Variants in NFIA observed in about 807,000 individuals in gnomAD.
NFIA encodes the protein nuclear factor I A, also known as nuclear factor 1 A-type.
Under a neutral mutation model 62.8 loss-of-function variants are expected in NFIA, and 8 were observed. The observed-to-expected ratio is 0.13, with a 90% CI of 0.07 to 0.23. The LOEUF (loss-of-function observed/expected upper bound fraction) is 0.23. Ranked by LOEUF, NFIA falls within the 10% of genes least tolerant of loss-of-function variation. The pLI is 1.00. For synonymous variants in NFIA, 235 were observed against 238.1 expected, an observed-to-expected ratio of 0.99 and a Z score of 0.12; for missense variants, 410 against 642.1, an observed-to-expected ratio of 0.64 and a Z score of 3.91.
chr1:61,098,704 ACATT>A (rs1442701229), intron 2 of NFIA, among the ~76,000 whole-genome samples: 4 of 152,226 alleles, frequency 2.6e-5, no homozygotes, highest in Non-Finnish European at 1.5e-5. Context: ...TCCTTTTCCC[ACATT>A]CAATCAGTAA....
intron 2 of NFIA, among the ~76,000 whole-genome samples, chr1:61,162,557 C>T (rs1649285888): frequency 6.6e-6 from 1 of 152,148 alleles, no homozygotes; most frequent in African/African-American, 2.4e-5. Flanking sequence ...AAGGAGGCAT[C>T]CTAGTACCAG....
chr1:61,200,039 T>C (rs1303036620), intron 2 of NFIA, among the ~76,000 whole-genome samples: 16 of 45,418 alleles, frequency 3.5e-4, no homozygotes, highest in African/African-American at 1.7e-3. Flanking sequence ...TATATATATA[T>C]ATATATATAT....
intron 2 of NFIA, among the ~76,000 whole-genome samples, chr1:61,169,352 A>G (rs147278819): frequency 0.011 from 1,633 of 152,192 alleles, 19 homozygotes; most frequent in Non-Finnish European, 0.015. Context: ...TTTCCAGGAC[A>G]CTTCTCACCC....
chr1:61,419,861 G>A (rs868596844), intron 9 of NFIA, among the ~76,000 whole-genome samples: 11 of 152,192 alleles, frequency 7.2e-5, no homozygotes, highest in African/African-American at 2.4e-4. Flanking sequence ...AATTACTAGC[G>A]ATAAGGAGGC....
intron 9 of NFIA, among the ~76,000 whole-genome samples, chr1:61,414,537 TTTTG>T (rs1334199952): frequency 1.3e-5 from 1 of 78,840 alleles, no homozygotes; most frequent in Non-Finnish European, 2.6e-5. Context: ...TGGTTTTTTG[TTTTG>T]TTTTTTTTTT....
intron 3 of NFIA, among the ~76,000 whole-genome samples, chr1:61,303,368 A>G (rs1272947420): frequency 1.3e-5 from 2 of 152,250 alleles, no homozygotes; most frequent in Middle Eastern, 3.2e-3. Context: ...TTAAAATATC[A>G]ATGAGAAAAG....
intron 10 of NFIA, among the ~76,000 whole-genome samples, chr1:61,441,331 GTGTC>G (rs1188222630): frequency 1.1e-4 from 15 of 142,448 alleles, no homozygotes; most frequent in Non-Finnish European, 1.5e-4. Context: ...GTGTGTGTGT[GTGTC>G]TGTCTGTCTG....
upstream of NFIA, among the ~76,000 whole-genome samples, chr1:61,077,924 C>G (rs1487296937): frequency 2.0e-5 from 3 of 148,256 alleles, no homozygotes; most frequent in Non-Finnish European, 4.4e-5. Flanking sequence ...AGCGCTTGCT[C>G]GGTTCCAGAA....
intron 2 of NFIA, among the ~76,000 whole-genome samples, chr1:61,113,058 T>A (rs1405284277): frequency 6.6e-6 from 1 of 152,142 alleles, no homozygotes; most frequent in African/African-American, 2.4e-5. Flanking sequence ...AAATGGTACG[T>A]CTTTTGAAAA....
At chr1:61,272,269 C>T (rs1293182664) in intron 2 of NFIA, among the ~76,000 whole-genome samples, 1 of 152,178 alleles carries the variant, frequency 6.6e-6, no homozygotes, top group Non-Finnish European at 1.5e-5. Context: ...TGACATTCTA[C>T]ATTCTCAAAT....
In NFIA at chr1:61,134,253, T is replaced by A. The variant is rs749801916; in HGVS notation, c.559+45573T>A. On this transcript the variant is annotated intron_variant, in intron 2 of 10. Transcript: ENST00000403491. ...TACAGACTGTGTGTGTGAGTGTGTGTGTGTGTGTGTGTGTGTGTGTGTGTG... is the reference window on the plus strand; with the variant it reads ...TACAGACTGTGTGTGTGAGTGTGTGAGTGTGTGTGTGTGTGTGTGTGTGTG... Among the ~76,000 whole-genome samples, 433 of 91,920 alleles carry A rather than the reference T, an allele frequency of 4.7e-3. 3 individuals carry two copies. The highest frequency in any genetic ancestry group is 8.0e-3 in the South Asian group (19 of 2,376). The allele number at this position is 91,920 out of a possible 152,430, so 60.3% of individuals were successfully genotyped here. A position where few individuals can be genotyped will look rare whatever the true frequency, so the allele number is the denominator to read the frequency against.
chr1:61,137,123 G>A (rs978420429), intron 2 of NFIA, among the ~76,000 whole-genome samples: 3 of 152,036 alleles, frequency 2.0e-5, no homozygotes, highest in Non-Finnish European at 4.4e-5. Flanking sequence ...AAATGCTAGC[G>A]GACAGAAACT....
chr1:61,441,292 G>GGGGTGTGTGTGT, intron 10 of NFIA, among the ~76,000 whole-genome samples: 1 of 139,466 alleles, frequency 7.2e-6, no homozygotes, highest in Middle Eastern at 3.6e-3. Flanking sequence ...GCCGTGCAGG[G>GGGGTGTGTGTGT]GTGTGTGTGT....
At chr1:61,410,621 G>A (rs1236192997) in intron 9 of NFIA, among the ~76,000 whole-genome samples, 5 of 152,144 alleles carry the variant, frequency 3.3e-5, no homozygotes, top group Non-Finnish European at 7.4e-5. Flanking sequence ...TAAATATAGG[G>A]ACTGGGCTTC....
At chr1:61,297,289 C>T (rs1659238626) in intron 3 of NFIA, among the ~76,000 whole-genome samples, 1 of 152,146 alleles carries the variant, frequency 6.6e-6, no homozygotes, top group Non-Finnish European at 1.5e-5. Context: ...TTGGTTTCTT[C>T]CCTATCTTCC....
intron 2 of NFIA, among the ~76,000 whole-genome samples, chr1:61,223,494 G>A (rs371921439): frequency 2.0e-5 from 3 of 152,014 alleles, no homozygotes; most frequent in Admixed American, 6.5e-5. Context: ...TTTCATAAAG[G>A]GAATTGAGAA....
chr1:61,430,562 T>A (rs185790729), intron 10 of NFIA, among the ~76,000 whole-genome samples: 5 of 152,230 alleles, frequency 3.3e-5, no homozygotes, highest in African/African-American at 1.2e-4. Context: ...AATATTGGCT[T>A]TTATTGCATC....
intron 7 of NFIA, among the ~76,000 whole-genome samples, chr1:61,384,027 C>A (rs1373466374): frequency 6.6e-6 from 1 of 152,138 alleles, no homozygotes; most frequent in Non-Finnish European, 1.5e-5. Context: ...TAAAGACAAG[C>A]CTTAAGCCTC....
In NFIA at chr1:61,088,816, TGA is replaced by T. The variant is rs1475475382; in HGVS notation, c.559+142_559+143del. 1.0e-6 allele frequency: 1 copy of T among 980,464 alleles called. No individual in the cohort carries two copies. Among genetic ancestry groups the T allele is most frequent in the Non-Finnish European group, 1.5e-6 (1 of 672,606 alleles). 60.7% of individuals were successfully genotyped at this position (980,464 alleles called of 1,614,324 possible). ...ATGAAGCCAGTGTGGTTTCAAAGAT[TGA>T]GAGAGGTGCCACCTTCATTCAGGTG... On this transcript the variant is annotated intron_variant, in intron 2 of 10. Transcript: ENST00000403491. The surrounding 1 kb of genome is among the most constrained non-coding windows in gnomAD (Gnocchi z 4.5).
Sources: allele counts gnomAD v4.1 joint callset (sites outside exome capture counted in the v4.1 genomes callset), GRCh38; gene constraint gnomAD v4.1.1; non-coding constraint Gnocchi (gnomAD v3.1); transcripts MANE v1.5; gene names NCBI Gene and HGNC (gene_info 2026-07-23, HGNC 2026-07-21).